Variants in PIK3AP1 observed in about 807,000 individuals in gnomAD.
The protein encoded by PIK3AP1 is phosphoinositide-3-kinase adaptor protein 1, also known as phosphoinositide 3-kinase adapter protein 1.
In PIK3AP1, 21 loss-of-function variants were observed where a neutral mutation model predicts 88.1. The observed-to-expected ratio is 0.24, with a 90% CI of 0.17 to 0.34. The LOEUF (loss-of-function observed/expected upper bound fraction) is 0.34. Among genes scored for constraint, PIK3AP1 ranks in the 10% least tolerant of loss-of-function variants. PIK3AP1 has a pLI of 1.00. For synonymous variants in PIK3AP1, 398 were observed against 400.0 expected (o/e 1.00, Z 0.06); for missense variants, 828 against 1,035.7 (o/e 0.80, Z 2.75).
At chr10:96,654,498 A>G (rs1843588110) in intron 3 of PIK3AP1, among the ~76,000 whole-genome samples, 1 of 152,048 alleles carries the variant, frequency 6.6e-6, no homozygotes, top group African/African-American at 2.4e-5. Context: ...CTGCACACAC[A>G]TGTGCTGTGG....
At chr10:96,704,264 G>A (rs1475779891) in intron 2 of PIK3AP1, among the ~76,000 whole-genome samples, 1 of 152,152 alleles carries the variant, frequency 6.6e-6, no homozygotes, top group East Asian at 1.9e-4. Context: ...TGATGTGATG[G>A]TGCCTCCATT....
intron 7 of PIK3AP1, among the ~76,000 whole-genome samples, chr10:96,647,235 C>T (rs943769606): frequency 1.3e-5 from 2 of 152,160 alleles, no homozygotes; most frequent in Non-Finnish European, 2.9e-5. Context: ...ATAACAAGCC[C>T]GGGCTTCAGT....
intron 4 of PIK3AP1, 21 bp from the exon 5 acceptor site, chr10:96,651,672 T>G (rs754436924): frequency 1.1e-5 from 17 of 1,610,380 alleles, no homozygotes; most frequent in Middle Eastern, 1.6e-4. Context: ...GAAAAGACAC[T>G]ATCAAAATTC....
At chr10:96,684,521 A>T (rs1007767682) in intron 2 of PIK3AP1, among the ~76,000 whole-genome samples, 4 of 152,198 alleles carry the variant, frequency 2.6e-5, no homozygotes, top group African/African-American at 9.7e-5. Context: ...AATGTGTTCC[A>T]CTGTCCAAGG....
At chr10:96,690,124 C>T (rs1307296954) in intron 2 of PIK3AP1, among the ~76,000 whole-genome samples, 1 of 152,152 alleles carries the variant, frequency 6.6e-6, no homozygotes, top group Non-Finnish European at 1.5e-5. Context: ...TCATGTATCT[C>T]CTTGGTATTT....
At chr10:96,687,634 G>C (rs1399219709) in intron 2 of PIK3AP1, among the ~76,000 whole-genome samples, 1 of 152,014 alleles carries the variant, frequency 6.6e-6, no homozygotes, top group African/African-American at 2.4e-5. Context: ...TTTTCCCATT[G>C]AATTTCCCTC....
chr10:96,628,875 C>CACACACATAT (rs1564961141), intron 8 of PIK3AP1, among the ~76,000 whole-genome samples: 1 of 90,910 alleles, frequency 1.1e-5, no homozygotes, highest in African/African-American at 4.4e-5. Flanking sequence ...CATATATACA[C>CACACACATAT]ATATATATAT....
chr10:96,666,195 G>A lies in PIK3AP1; in HGVS notation c.431-9261C>T, dbSNP rs1292943678. Among the ~76,000 whole-genome samples the A allele has an allele frequency of 4.6e-5, 7 of 152,166 alleles. No individual in the cohort carries two copies. In the East Asian group the frequency reaches 1.2e-3, roughly 25 times the overall value. Reference sequence around the variant, plus strand: ...AGCACTTTGGGAGGCCGAGGCGGGAGGATCACAAGGTCAGGAGATCGAGAC... The same window carrying A: ...AGCACTTTGGGAGGCCGAGGCGGGAAGATCACAAGGTCAGGAGATCGAGAC... On this transcript the variant is annotated intron_variant, in intron 2 of 16. Transcript: ENST00000339364.
At chr10:96,626,996 T>A (rs1208557313) in intron 9 of PIK3AP1, 91 bp from the exon 10 acceptor site, 1 of 1,246,090 alleles carries the variant, frequency 8.0e-7, no homozygotes, top group African/African-American at 1.5e-5. Flanking sequence ...CTTACTTTGT[T>A]TCCTCAGTGC....
chr10:96,716,356 C>T lies in PIK3AP1; in HGVS notation c.13+4026G>A, dbSNP rs1420594800. Among the ~76,000 whole-genome samples, 13 of 152,160 alleles carry T rather than the reference C, an allele frequency of 8.5e-5. No individual in the cohort carries two copies. In the East Asian group the frequency reaches 2.1e-3, roughly 25 times the overall value. On this transcript the variant is annotated intron_variant, in intron 1 of 16. Coordinates refer to ENST00000339364, the MANE Select transcript of PIK3AP1 (RefSeq NM_152309.3). ...GGGGTTCTAGTGTTAAATTCAATTC[C>T]CTTTGAGTGAAAGTATTTGAGGAGA...
intron 2 of PIK3AP1, among the ~76,000 whole-genome samples, chr10:96,704,324 A>C (rs1022011301): frequency 1.3e-5 from 2 of 152,234 alleles, no homozygotes; most frequent in Non-Finnish European, 2.9e-5. Context: ...ACAGAGGTAC[A>C]TGACCATTGA....
intron 6 of PIK3AP1, among the ~76,000 whole-genome samples, chr10:96,649,203 C>A (rs1362192953): frequency 6.6e-6 from 1 of 152,044 alleles, no homozygotes; most frequent in Non-Finnish European, 1.5e-5. Flanking sequence ...TGCATCACGC[C>A]CAGCTAATTT....
At chr10:96,686,383 T>A (rs1423897047) in intron 2 of PIK3AP1, among the ~76,000 whole-genome samples, 1 of 152,124 alleles carries the variant, frequency 6.6e-6, no homozygotes, top group Non-Finnish European at 1.5e-5. Flanking sequence ...ATTTACACAC[T>A]CTAGCTCGGG....
At chr10:96,633,068 A>C (rs769916293) in intron 8 of PIK3AP1, 17 of 1,584,918 alleles carry the variant, frequency 1.1e-5, no homozygotes, top group Middle Eastern at 1.9e-4. Context: ...ATGTCCTACA[A>C]GAGCAATTTC....
chr10:96,628,889 C>CACATAT (rs1554955372), intron 8 of PIK3AP1, among the ~76,000 whole-genome samples: 2 of 60,852 alleles, frequency 3.3e-5, no homozygotes, highest in African/African-American at 6.0e-5. Context: ...TATATATATA[C>CACATAT]ATATATATAT....
intron 1 of PIK3AP1, among the ~76,000 whole-genome samples, chr10:96,718,128 C>G (rs1199651915): frequency 6.6e-6 from 1 of 152,142 alleles, no homozygotes; most frequent in Non-Finnish European, 1.5e-5. Context: ...CAAAGTAGAT[C>G]TTAGGGCTGG....
At chr10:96,672,733 G>T in intron 2 of PIK3AP1, among the ~76,000 whole-genome samples, 1 of 152,152 alleles carries the variant, frequency 6.6e-6, no homozygotes, top group East Asian at 1.9e-4. Context: ...CCTGCCTGCG[G>T]CTCTCCCAGT....
chr10:96,679,613 G>T (rs913464396), intron 2 of PIK3AP1, among the ~76,000 whole-genome samples: 1 of 152,120 alleles, frequency 6.6e-6, no homozygotes, highest in Non-Finnish European at 1.5e-5. Flanking sequence ...TAGTTCTGCT[G>T]CAAGCAAGAG....
intron 2 of PIK3AP1, among the ~76,000 whole-genome samples, chr10:96,668,960 T>G (rs143859391): frequency 0.028 from 4,228 of 152,088 alleles, 86 homozygotes; most frequent in South Asian, 0.055. Context: ...TGAAACCCCA[T>G]CTCTACTAAA....
Sources: gnomAD v4.1 joint callset for allele counts (sites outside exome capture counted in the v4.1 genomes callset) on GRCh38, gnomAD v4.1.1 for gene constraint, MANE v1.5 for transcripts, NCBI Gene and HGNC (gene_info 2026-07-23, HGNC 2026-07-21) for gene names.